Variants in C9orf85 observed in about 807,000 individuals in gnomAD.
The protein encoded by C9orf85 is uncharacterized protein C9orf85.
C9orf85 carries 16 observed loss-of-function variants against 14.9 expected under a neutral mutation model. That is an observed-to-expected ratio of 1.08 (90% CI 0.73 to 1.63). C9orf85 has a LOEUF of 1.63. Ranked by LOEUF, C9orf85 falls within the 40% of genes most tolerant of loss-of-function variation. C9orf85 has a pLI of 0.00. For missense variants in C9orf85, 172 were observed against 186.1 expected, an observed-to-expected ratio of 0.92 and a Z score of 0.44; for synonymous variants, 45 against 56.8, an observed-to-expected ratio of 0.79 and a Z score of 0.93.
chr9:71,952,870 A>C (rs1297049860), intron 2 of C9orf85, among the ~76,000 whole-genome samples: 1 of 21,936 alleles, frequency 4.6e-5, no homozygotes, highest in East Asian at 0.01. Flanking sequence ...TTCTCTACCT[A>C]TTAAAAAAAA....
At chr9:71,962,083 T>G (rs963545404) in intron 2 of C9orf85, among the ~76,000 whole-genome samples, 3 of 152,144 alleles carry the variant, frequency 2.0e-5, no homozygotes, top group Non-Finnish European at 4.4e-5. Context: ...CAAGGATTGT[T>G]TAAGCCTGGG....
At chr9:71,963,372 G>C (rs1007029389) in intron 2 of C9orf85, among the ~76,000 whole-genome samples, 1 of 152,044 alleles carries the variant, frequency 6.6e-6, no homozygotes, top group Non-Finnish European at 1.5e-5. Flanking sequence ...AGGTGACGGC[G>C]TGCTGGCAGT....
chr9:71,970,360 G>A (rs1822826321), intron 2 of C9orf85, among the ~76,000 whole-genome samples: 1 of 152,150 alleles, frequency 6.6e-6, no homozygotes, highest in South Asian at 2.1e-4. Context: ...TGTATAGAGT[G>A]TTCTAAAATT....
intron 3 of C9orf85, among the ~76,000 whole-genome samples, chr9:71,981,863 T>C (rs1823102788): frequency 6.6e-6 from 1 of 152,198 alleles, no homozygotes; most frequent in Non-Finnish European, 1.5e-5. Flanking sequence ...GCTTTTCTCA[T>C]AGTGATAATT....
intron 1 of C9orf85, among the ~76,000 whole-genome samples, chr9:71,930,051 G>A (rs1389203974): frequency 6.6e-6 from 1 of 151,116 alleles, no homozygotes; most frequent in Non-Finnish European, 1.5e-5. Flanking sequence ...TAGACATGTG[G>A]TTTGTAGATT....
At chr9:71,945,317 C>T (rs866954834) in intron 1 of C9orf85, among the ~76,000 whole-genome samples, 4 of 152,128 alleles carry the variant, frequency 2.6e-5, no homozygotes, top group Admixed American at 2.0e-4. Context: ...GTTGAGAGGA[C>T]GAAGAGTTTG....
At chr9:71,946,793 CA>C (rs35975766) in intron 1 of C9orf85, among the ~76,000 whole-genome samples, 2 of 84,424 alleles carry the variant, frequency 2.4e-5, no homozygotes. Context: ...GACTCTGTCT[CA>C]AAAAAAAAAC....
chr9:71,933,960 C>T (rs945959847), intron 1 of C9orf85, among the ~76,000 whole-genome samples: 3 of 152,168 alleles, frequency 2.0e-5, no homozygotes, highest in African/African-American at 7.2e-5. Flanking sequence ...CCTGTGTGCT[C>T]CCATTTCAAG....
intron 1 of C9orf85, among the ~76,000 whole-genome samples, chr9:71,926,238 T>C (rs544510518): frequency 1.3e-5 from 2 of 152,370 alleles, no homozygotes; most frequent in South Asian, 4.1e-4. Context: ...CCATTAGACC[T>C]TTCTGTGATA....
downstream of C9orf85, chr9:71,985,170 G>C (rs1319371157): frequency 6.6e-6 from 1 of 152,128 alleles, no homozygotes; most frequent in African/African-American, 2.4e-5. Context: ...ACATCTATTT[G>C]TTTTACATTT....
chr9:71,967,133 G>C (rs569060570), intron 2 of C9orf85, among the ~76,000 whole-genome samples: 181 of 152,312 alleles, frequency 1.2e-3, no homozygotes, highest in African/African-American at 4.2e-3. Context: ...TCATGGTTTT[G>C]TTGTTGTAGA....
At chr9:71,977,578 CAA>C (rs1266636089), downstream of C9orf85, among the ~76,000 whole-genome samples, 1 of 152,162 alleles carries the variant, frequency 6.6e-6, no homozygotes, top group Non-Finnish European at 1.5e-5. Flanking sequence ...CACATTTATG[CAA>C]AGTTATAAAT....
At chr9:71,950,377 T>C (rs201886214) in intron 2 of C9orf85, among the ~76,000 whole-genome samples, 1 of 28 alleles carries the variant, frequency 0.036, no homozygotes, top group East Asian at 0.5. Context: ...TTTGTCTTTG[T>C]TTTTTTTTGA....
At chr9:71,964,430 ACACT>A (rs1286933144) in intron 2 of C9orf85, among the ~76,000 whole-genome samples, 1 of 152,036 alleles carries the variant, frequency 6.6e-6, no homozygotes, top group African/African-American at 2.4e-5. Context: ...ATAAGCTTTA[ACACT>A]CACCGCAAAG....
chr9:71,922,010 G>A (rs905545185), intron 1 of C9orf85, among the ~76,000 whole-genome samples: 4 of 151,284 alleles, frequency 2.6e-5, no homozygotes, highest in African/African-American at 4.9e-5. Context: ...GCGCAATCTT[G>A]GCTCACTGCA....
chr9:71,942,317 G>T (rs1211203112), intron 1 of C9orf85, among the ~76,000 whole-genome samples: 1 of 152,208 alleles, frequency 6.6e-6, no homozygotes, highest in African/African-American at 2.4e-5. Context: ...TTGCACTTCA[G>T]TAACAAGAAT....
chr9:71,984,415 G>A (rs943813147), downstream of C9orf85: 1 of 151,978 alleles, frequency 6.6e-6, no homozygotes, highest in Non-Finnish European at 1.5e-5. Flanking sequence ...CTTAAATCCT[G>A]AGCTGAAAAT....
intron 1 of C9orf85, 102 bp downstream of exon 1, chr9:71,911,938 C>A (rs1003569008): frequency 5.9e-6 from 6 of 1,016,736 alleles, no homozygotes; most frequent in Non-Finnish European, 9.4e-6. Context: ...GAGTGTGGAC[C>A]GCAGCCCAGA....
chr9:71,982,628 A>ATT, intron 3 of C9orf85: 2 of 297,140 alleles, frequency 6.7e-6, no homozygotes, highest in South Asian at 2.3e-5. Context: ...TAATTTGTAT[A>ATT]TTTCTTTTTT....
Sources: allele counts gnomAD v4.1 joint callset (sites outside exome capture counted in the v4.1 genomes callset), GRCh38; gene constraint gnomAD v4.1.1; transcripts MANE v1.5; gene names NCBI Gene and HGNC (gene_info 2026-07-23, HGNC 2026-07-21).